Variants in NUP214 observed in about 807,000 individuals in gnomAD.
NUP214 encodes nucleoporin 214, also known as nuclear pore complex protein Nup214.
NUP214 carries 79 observed loss-of-function variants against 196.2 expected under a neutral mutation model. That is an observed-to-expected ratio of 0.40 (90% confidence interval 0.34 to 0.49). The LOEUF is 0.49. NUP214 is among the 20% of genes least tolerant of loss of function. The probability of loss-of-function intolerance (pLI) is 0.58; values close to 1 mark genes in which losing one functional copy is unlikely to be tolerated. For synonymous variants in NUP214, 1,020 were observed against 990.5 expected (o/e 1.03, Z -0.56); for missense variants, 2,468 against 2,539.0 (o/e 0.97, Z 0.60).
chr9:131,199,591 G>C (rs990048923), intron 29 of NUP214, among the ~76,000 whole-genome samples: 1 of 152,160 alleles, frequency 6.6e-6, no homozygotes, highest in African/African-American at 2.4e-5. Flanking sequence ...ACAGTTTACT[G>C]TTTTTGACAG....
chr9:131,150,832 A>C, intron 16 of NUP214, 67 bp downstream of exon 16: 3 of 1,453,876 alleles, frequency 2.1e-6, no homozygotes, highest in Non-Finnish European at 1.9e-6. Context: ...CTAGTACTCC[A>C]TGGGGTTATG....
chr9:131,147,632 C>A (rs372483869), intron 14 of NUP214, 48 bp downstream of exon 14: 1 of 1,263,506 alleles, frequency 7.9e-7, no homozygotes, highest in Admixed American at 1.8e-5. Context: ...AATTTACTGC[C>A]CCAAGCATAC....
intron 31 of NUP214, among the ~76,000 whole-genome samples, chr9:131,219,591 A>G (rs150464646): frequency 2.6e-5 from 4 of 152,302 alleles, no homozygotes; most frequent in Admixed American, 6.5e-5. Context: ...AGAATCTACT[A>G]AAGAAAACCT....
chr9:131,181,246 A>AGGGGGGACCTCTGGTGACGAGAGT (rs1554734421), intron 24 of NUP214, among the ~76,000 whole-genome samples: 1 of 152,158 alleles, frequency 6.6e-6, no homozygotes, highest in Non-Finnish European at 1.5e-5. Flanking sequence ...AGAGCGAGTC[A>AGGGGGGACCTCTGGTGACGAGAGT]GGGGGGACCT....
Position 131,163,138 on chromosome 9 carries a change from G to A in NUP214, c.2688G>A (p.Leu896=), listed in dbSNP as rs1157102335. ...ACAAACAGACTTCCCTGTGGAGCCT[G>A]TCCTCGGCTGTTCCTTCCCAGAGCA... The part of the protein sequence containing the change: ...RLYKQTSLWS[L]SSAVPSQSSI... The change falls in exon 19 of 36, where the codon CTG becomes CTA. Residue 896 remains leucine (L), a synonymous_variant. Transcript: ENST00000359428. 1.9e-6 allele frequency: 3 copies of A among 1,613,700 alleles called. No homozygotes were observed. The highest frequency in any genetic ancestry group is 2.5e-6 in the Non-Finnish European group (3 of 1,179,926).
intron 32 of NUP214, among the ~76,000 whole-genome samples, chr9:131,223,723 A>ATTTATTTT (rs1834634863): frequency 1.1e-4 from 2 of 18,968 alleles, no homozygotes; most frequent in Non-Finnish European, 2.5e-4. Flanking sequence ...TTATTTATTT[A>ATTTATTTT]TTTATTTTTT....
intron 10 of NUP214, 85 bp from the exon 11 acceptor site, chr9:131,140,464 C>T: frequency 8.4e-7 from 1 of 1,195,776 alleles, no homozygotes; most frequent in Non-Finnish European, 1.2e-6. Flanking sequence ...CTTAAACCCT[C>T]TTCATGTTGA....
Position 131,201,640 on chromosome 9 carries a change from T to C in NUP214, c.5522-7T>C, listed in dbSNP as rs1052224111. 6 of 1,612,022 alleles carry C rather than the reference T, an allele frequency of 3.7e-6. No individual in the cohort carries two copies. The highest frequency in any genetic ancestry group is 5.1e-6 in the Non-Finnish European group (6 of 1,178,206). ...AATTGAATTTTTGTTTTCTTTGTAT[T>C]TTACAGGTTTTGGGTCTAGTAATAC... On this transcript the variant is annotated splice_region_variant and splice_polypyrimidine_tract_variant and intron_variant, in intron 29 of 35. Transcript: ENST00000359428.
intron 21 of NUP214, among the ~76,000 whole-genome samples, chr9:131,164,940 A>G (rs1295879500): frequency 2.0e-5 from 3 of 152,200 alleles, no homozygotes; most frequent in African/African-American, 2.4e-5. Flanking sequence ...TTATGCCAAT[A>G]ACAAATGCTT....
At chr9:131,205,717 C>T (rs182100268) in intron 30 of NUP214, among the ~76,000 whole-genome samples, 28 of 152,236 alleles carry the variant, frequency 1.8e-4, no homozygotes, top group African/African-American at 4.8e-4. Context: ...GTTTTTGAGA[C>T]GGAGCCTTAC....
intron 24 of NUP214, among the ~76,000 whole-genome samples, chr9:131,178,916 G>A (rs561571687): frequency 6.6e-6 from 1 of 152,180 alleles, no homozygotes; most frequent in East Asian, 1.9e-4. Context: ...CCATGTTTGA[G>A]GGCTGGATTG....
intron 18 of NUP214, among the ~76,000 whole-genome samples, chr9:131,161,446 A>G (rs185355726): frequency 6.6e-6 from 1 of 152,032 alleles, no homozygotes; most frequent in African/African-American, 2.4e-5. Context: ...TTTAGTAGAG[A>G]TGGGGTTTCA....
chr9:131,149,364 A>G lies in NUP214; in HGVS notation c.2041-960A>G, dbSNP rs1832183605. ...TAGTATCTTTAAAGCAGAACTCTTG[A>G]TTTCTGTCTCCCCTAGAGGCTAGTC... is the stretch of plus-strand genomic sequence containing the variant. On this transcript the variant is annotated intron_variant, in intron 14 of 35. Transcript: ENST00000359428. Among the ~76,000 whole-genome samples, 3 of 151,562 alleles carry G rather than the reference A, an allele frequency of 2.0e-5. No homozygotes were observed. The South Asian group carries it at 6.3e-4, about 32-fold the overall frequency.
intron 28 of NUP214, among the ~76,000 whole-genome samples, chr9:131,196,223 A>G (rs1323645428): frequency 6.6e-6 from 1 of 151,582 alleles, no homozygotes; most frequent in Non-Finnish European, 1.5e-5. Context: ...TAATGGCGCA[A>G]TTGCAGTTCA....
intron 4 of NUP214, among the ~76,000 whole-genome samples, chr9:131,129,852 C>T (rs932122804): frequency 2.6e-5 from 4 of 152,038 alleles, no homozygotes; most frequent in Admixed American, 6.5e-5. Flanking sequence ...GATCTGCCCT[C>T]CTCCACCCCG....
intron 24 of NUP214, among the ~76,000 whole-genome samples, chr9:131,183,341 T>C (rs1257459834): frequency 2.0e-5 from 3 of 152,230 alleles, no homozygotes; most frequent in Non-Finnish European, 4.4e-5. Context: ...TGCCTCGGCC[T>C]CCCAAAGTGC....
At chr9:131,138,859 A>G (rs907134808) in intron 9 of NUP214, among the ~76,000 whole-genome samples, 1 of 152,210 alleles carries the variant, frequency 6.6e-6, no homozygotes, top group Non-Finnish European at 1.5e-5. Context: ...AGACTGCAGT[A>G]GAGATCAGCT....
At chr9:131,167,720 C>T (rs1832827143) in intron 21 of NUP214, among the ~76,000 whole-genome samples, 1 of 152,036 alleles carries the variant, frequency 6.6e-6, no homozygotes, top group Admixed American at 6.6e-5. Context: ...TTGTGGAGTA[C>T]CGAATTAAAT....
At chr9:131,188,577 G>A (rs1833518830) in intron 25 of NUP214, among the ~76,000 whole-genome samples, 1 of 152,220 alleles carries the variant, frequency 6.6e-6, no homozygotes, top group Admixed American at 6.5e-5. Context: ...TTCTTCTGGA[G>A]GTATTTGTGT....
Sources: gnomAD v4.1 joint callset for allele counts (sites outside exome capture counted in the v4.1 genomes callset) on GRCh38, gnomAD v4.1.1 for gene constraint, MANE v1.5 for transcripts, NCBI Gene and HGNC (gene_info 2026-07-23, HGNC 2026-07-21) for gene names.